The following XYLT1 variants were observed in gnomAD, a reference collection of about 807,000 sequenced individuals.
XYLT1 encodes the protein xylosyltransferase 1.
XYLT1 carries 36 observed loss-of-function variants against 91.3 expected under a neutral mutation model. The observed-to-expected ratio is 0.39, with a 90% CI of 0.30 to 0.52. The LOEUF is 0.52. XYLT1 is among the 20% of genes least tolerant of loss of function. XYLT1 has a pLI of 0.68. For missense variants in XYLT1, 1,242 were observed against 1,284.5 expected, an observed-to-expected ratio of 0.97 and a Z score of 0.51; for synonymous variants, 588 against 532.0, an observed-to-expected ratio of 1.11 and a Z score of -1.45.
At chr16:17,341,913 T>A (rs1230488759) in intron 2 of XYLT1, among the ~76,000 whole-genome samples, 1 of 152,210 alleles carries the variant, frequency 6.6e-6, no homozygotes, top group Non-Finnish European at 1.5e-5. Flanking sequence ...AAACCACCCC[T>A]GCATGTCCCC....
intron 3 of XYLT1, among the ~76,000 whole-genome samples, chr16:17,239,121 C>T (rs902671477): frequency 1.3e-5 from 2 of 152,200 alleles, no homozygotes; most frequent in Non-Finnish European, 2.9e-5. Flanking sequence ...CTTAATTGAA[C>T]CTATTGTCAT....
At chr16:17,261,905 T>C (rs2033727950) in intron 2 of XYLT1, among the ~76,000 whole-genome samples, 1 of 151,862 alleles carries the variant, frequency 6.6e-6, no homozygotes, top group East Asian at 1.9e-4. Flanking sequence ...GCTTCTGGTC[T>C]TTCTTATTCT....
intron 11 of XYLT1, among the ~76,000 whole-genome samples, chr16:17,114,041 G>A (rs967472315): frequency 1.3e-5 from 2 of 151,530 alleles, no homozygotes; most frequent in African/African-American, 4.8e-5. Flanking sequence ...CACCTGCCGG[G>A]AGGGTGGTGC....
In XYLT1 at chr16:17,103,543, G is replaced by T. The variant is rs1354689761; in HGVS notation, c.*5152C>A. ...GGAGATGGGAGGGAAAGGATGGATG[G>T]TCAGCTTCCCAAAAATAATGTTAAG... On this transcript the variant is annotated 3_prime_UTR_variant, in exon 12 of 12. Transcript: ENST00000261381. 6.6e-6 allele frequency: 1 copy of T among 152,186 alleles called. No homozygotes were observed. The highest frequency in any genetic ancestry group is 2.4e-5 in the African/African-American group (1 of 41,420). 9.4% of individuals were successfully genotyped at this position (152,186 alleles called of 1,614,324 possible).
intron 3 of XYLT1, among the ~76,000 whole-genome samples, chr16:17,211,603 C>T (rs1197999686): frequency 6.6e-6 from 1 of 152,172 alleles, no homozygotes; most frequent in Admixed American, 6.5e-5. Context: ...ATAATCATCC[C>T]AGGCTCAGAG....
At chr16:17,256,627 T>C (rs2033635903) in intron 3 of XYLT1, among the ~76,000 whole-genome samples, 1 of 142,986 alleles carries the variant, frequency 7.0e-6, no homozygotes, top group South Asian at 2.1e-4. Flanking sequence ...TCCAGCATGA[T>C]GACAGAGTGA....
chr16:17,354,051 G>T (rs1596498690), intron 2 of XYLT1, among the ~76,000 whole-genome samples: 1 of 152,160 alleles, frequency 6.6e-6, no homozygotes, highest in Non-Finnish European at 1.5e-5. Flanking sequence ...GTAAATGTTA[G>T]TAAGAATGAG....
chr16:17,224,967 C>T (rs966001040), intron 3 of XYLT1, among the ~76,000 whole-genome samples: 1 of 152,150 alleles, frequency 6.6e-6, no homozygotes, highest in African/African-American at 2.4e-5. Context: ...ATGAGTGTGG[C>T]TGTGTTCCAA....
At chr16:17,192,614 G>A (rs1327931416) in intron 5 of XYLT1, among the ~76,000 whole-genome samples, 2 of 152,132 alleles carry the variant, frequency 1.3e-5, no homozygotes, top group South Asian at 2.1e-4. Context: ...CACGTGCTGG[G>A]TACACAACCA....
chr16:17,305,660 C>T (rs1412051600), intron 2 of XYLT1, among the ~76,000 whole-genome samples: 2 of 152,058 alleles, frequency 1.3e-5, no homozygotes, highest in African/African-American at 4.8e-5. Flanking sequence ...ATGATCCCTC[C>T]ACCACCGCCT....
chr16:17,278,476 A>G (rs1345701404), intron 2 of XYLT1, among the ~76,000 whole-genome samples: 2 of 152,144 alleles, frequency 1.3e-5, no homozygotes, highest in Admixed American at 6.5e-5. Context: ...TTCACTTCAG[A>G]GGAGTTTGAC....
intron 2 of XYLT1, among the ~76,000 whole-genome samples, chr16:17,268,686 T>TC (rs35182704): frequency 2.1e-4 from 31 of 150,858 alleles, no homozygotes; most frequent in South Asian, 6.3e-4. Flanking sequence ...TTTTTTTTTT[T>TC]CTGAGACGGA....
intron 2 of XYLT1, among the ~76,000 whole-genome samples, chr16:17,356,010 G>T (rs1327506672): frequency 2.0e-5 from 3 of 151,900 alleles, no homozygotes; most frequent in Non-Finnish European, 4.4e-5. Context: ...ACCGTGCCAG[G>T]CCCAGGACCA....
rs563581135 is a variant in XYLT1 at position 17,122,289 on chromosome 16, C to G, written c.2224-4310G>C. On this transcript the variant is annotated intron_variant, in intron 10 of 11. Transcript: ENST00000261381. ...CTGTTATTTTTTGGTTATGGCCATT[C>G]TTGCAGGAGTAAGGTGGTATTGCAT... Among the ~76,000 whole-genome samples the G allele has an allele frequency of 2.0e-5, 3 of 152,302 alleles. No homozygotes were observed. In the South Asian group the frequency reaches 6.2e-4, roughly 32 times the overall value.
chr16:17,352,570 G>T (rs35597607), intron 2 of XYLT1, among the ~76,000 whole-genome samples: 3 of 152,046 alleles, frequency 2.0e-5, no homozygotes, highest in South Asian at 2.1e-4. Context: ...CTCTGTCATT[G>T]GGTCTTTTTG....
At chr16:17,126,040 T>G (rs1224753968) in intron 10 of XYLT1, among the ~76,000 whole-genome samples, 1 of 152,176 alleles carries the variant, frequency 6.6e-6, no homozygotes, top group Non-Finnish European at 1.5e-5. Context: ...GCCCACAGAG[T>G]GGTCCTGTAG....
rs551309308 is a variant in XYLT1, at chr16:17,187,190, G to A, written c.1289+11022C>T. 1.1e-4 allele frequency among the ~76,000 whole-genome samples: 16 copies of A among 151,916 alleles called. No homozygotes were observed. In the South Asian group the frequency reaches 2.1e-3, roughly 20 times the overall value. ...GCAGATCACTTGAGGCCAGGAGTTC[G>A]AGACCAGCCTGGCCAACAAGGCAAA... On this transcript the variant is annotated intron_variant, in intron 5 of 11. Coordinates refer to ENST00000261381, the MANE Select transcript of XYLT1 (RefSeq NM_022166.4).
chr16:17,417,401 C>T (rs1596535358), intron 1 of XYLT1, among the ~76,000 whole-genome samples: 1 of 152,100 alleles, frequency 6.6e-6, no homozygotes, highest in Non-Finnish European at 1.5e-5. Context: ...CAGTCCTGCC[C>T]CAGGACCTTG....
intron 2 of XYLT1, among the ~76,000 whole-genome samples, chr16:17,315,538 T>TG (rs11403907): frequency 0.69 from 105,194 of 152,058 alleles, 38,232 homozygotes; most frequent in African/African-American, 0.9. Flanking sequence ...ATGTGTTGGT[T>TG]GTTGGTTTTG....
Sources: allele counts gnomAD v4.1 joint callset (sites outside exome capture counted in the v4.1 genomes callset), GRCh38; gene constraint gnomAD v4.1.1; transcripts MANE v1.5; gene names NCBI Gene and HGNC (gene_info 2026-07-23, HGNC 2026-07-21).